PSMB7: variants seen among roughly 807,000 people sequenced by gnomAD.
The protein encoded by PSMB7 is proteasome subunit beta type-7.
Under a neutral mutation model 28.1 loss-of-function variants are expected in PSMB7, and 5 were observed. The ratio of observed to expected loss-of-function variants is 0.18; its 90% CI spans 0.09 to 0.37. The LOEUF (loss-of-function observed/expected upper bound fraction) is 0.37. Among genes scored for constraint, PSMB7 ranks in the 10% least tolerant of loss-of-function variants. PSMB7 has a pLI of 1.00. For synonymous variants in PSMB7, 122 were observed against 123.7 expected (o/e 0.99, Z 0.09); for missense variants, 275 against 346.2 (o/e 0.79, Z 1.63).
chr9:124,406,472 A>G (rs1022223670), intron 4 of PSMB7, among the ~76,000 whole-genome samples: 15 of 149,206 alleles, frequency 1.0e-4, no homozygotes, highest in Non-Finnish European at 1.8e-4. Context: ...ACTGCACTCC[A>G]GCCAGGACAG....
intron 5 of PSMB7, among the ~76,000 whole-genome samples, chr9:124,399,716 G>A (rs1216808767): frequency 1.3e-5 from 2 of 152,224 alleles, no homozygotes; most frequent in East Asian, 3.8e-4. Flanking sequence ...AATGACGACA[G>A]AAACCCAGGA....
At chr9:124,369,685 G>C (rs899142005) in intron 6 of PSMB7, among the ~76,000 whole-genome samples, 1 of 152,092 alleles carries the variant, frequency 6.6e-6, no homozygotes, top group Admixed American at 6.5e-5. Context: ...AGGACTGCAC[G>C]ACTGAGAGGC....
intron 4 of PSMB7, among the ~76,000 whole-genome samples, chr9:124,411,921 A>G (rs991564717): frequency 6.6e-6 from 1 of 151,930 alleles, no homozygotes; most frequent in Non-Finnish European, 1.5e-5. Flanking sequence ...CTGACAGCCA[A>G]TTATAAATAT....
intron 4 of PSMB7, among the ~76,000 whole-genome samples, chr9:124,409,734 C>T (rs889463761): frequency 6.6e-6 from 1 of 152,178 alleles, no homozygotes; most frequent in African/African-American, 2.4e-5. Flanking sequence ...TAGACAGAAA[C>T]TATTATCCTC....
intron 4 of PSMB7, among the ~76,000 whole-genome samples, chr9:124,409,045 G>A (rs536815445): frequency 6.6e-6 from 1 of 152,300 alleles, no homozygotes; most frequent in African/African-American, 2.4e-5. Context: ...TGAAGGGTGT[G>A]TAACAATCTC....
chr9:124,413,858 C>T lies in PSMB7; in HGVS notation c.254+50G>A, dbSNP rs763248390. 4 of 1,324,950 alleles carry T rather than the reference C, an allele frequency of 3.0e-6. No homozygotes were observed. The African/African-American group carries it at 4.4e-5, about 14-fold the overall frequency. 82.1% of individuals were successfully genotyped at this position (1,324,950 alleles called of 1,614,324 possible). On this transcript the variant is annotated intron_variant, in intron 3 of 7. Transcript: ENST00000259457. ...GGAGCACAGGAAGGTCAATTTTTAG[C>T]CCTGACATGTTTGAAAATATAAGAG...
intron 5 of PSMB7, chr9:124,396,698 T>A: frequency 2.3e-6 from 1 of 436,882 alleles, no homozygotes; most frequent in South Asian, 1.7e-5. Context: ...GAAATTTTAT[T>A]CATGTTAATT....
At chr9:124,414,964 G>C (rs764982027) in intron 1 of PSMB7, 29 bp from the exon 2 acceptor site, 83 of 1,492,174 alleles carry the variant, frequency 5.6e-5, no homozygotes, top group Non-Finnish European at 7.7e-5. Context: ...ATCAAGTGTT[G>C]AAGGGCAGGA....
At chr9:124,375,769 G>C (rs1830605035) in intron 6 of PSMB7, among the ~76,000 whole-genome samples, 1 of 152,170 alleles carries the variant, frequency 6.6e-6, no homozygotes, top group Non-Finnish European at 1.5e-5. Context: ...GATGCCAACA[G>C]GGTTCAAGTT....
At chr9:124,406,657 TTAAAA>T (rs1417728689) in intron 4 of PSMB7, among the ~76,000 whole-genome samples, 4 of 150,638 alleles carry the variant, frequency 2.7e-5, no homozygotes, top group Non-Finnish European at 5.9e-5. Context: ...AAAGTGAATA[TTAAAA>T]TAACTCCATG....
At chr9:124,384,682 T>C (rs771013755) in intron 5 of PSMB7, 26 bp from the exon 6 acceptor site, 7 of 1,608,714 alleles carry the variant, frequency 4.4e-6, no homozygotes, top group East Asian at 4.5e-5. Flanking sequence ...GCACTTTTAG[T>C]GTATTTTATG....
At chr9:124,398,180 A>C (rs1005995322) in intron 5 of PSMB7, among the ~76,000 whole-genome samples, 5 of 152,222 alleles carry the variant, frequency 3.3e-5, no homozygotes, top group Middle Eastern at 3.4e-3. Flanking sequence ...CTCAAAAAAA[A>C]AAAAACCACC....
chr9:124,362,134 T>G (rs1442171624), intron 6 of PSMB7, among the ~76,000 whole-genome samples: 1 of 152,248 alleles, frequency 6.6e-6, no homozygotes, highest in Non-Finnish European at 1.5e-5. Flanking sequence ...TATACATAGC[T>G]TTGGAATGTG....
chr9:124,383,262 G>C (rs1830686255), intron 6 of PSMB7, among the ~76,000 whole-genome samples: 1 of 152,102 alleles, frequency 6.6e-6, no homozygotes, highest in Non-Finnish European at 1.5e-5. Flanking sequence ...CTCATTTATT[G>C]TCTATACTTG....
chr9:124,410,983 T>TC, intron 4 of PSMB7, among the ~76,000 whole-genome samples: 1 of 152,120 alleles, frequency 6.6e-6, no homozygotes, highest in South Asian at 2.1e-4. Context: ...TTTTTTTTTT[T>TC]CTTTTTTTTT....
In PSMB7 at chr9:124,353,683, C is replaced by T. The variant is rs763509472; in HGVS notation, c.749G>A (p.Gly250Glu). The T allele has an allele frequency of 6.2e-7, 1 of 1,613,878 alleles. No homozygotes were observed. The highest frequency in any genetic ancestry group is 8.5e-7 in the Non-Finnish European group (1 of 1,179,786). ...TRLGRYRCEK[G>E]TTAVLTEKIT... ...TTTCTCAGTGAGGACTGCAGTAGTCCCTTTCTCACACCTGTACCGGCCAAG... is the reference window on the plus strand; with the variant it reads ...TTTCTCAGTGAGGACTGCAGTAGTCTCTTTCTCACACCTGTACCGGCCAAG... Residue 250 changes from glycine (G) to glutamate (E), a missense_variant, in exon 8 of 8, where the codon GGG (glycine) becomes GAG (glutamate). Physicochemically the swap from Gly to Glu is moderately conservative, Grantham distance 98 (BLOSUM62 -2). Around this residue, in one of 2 missense-constraint regions of PSMB7, gnomAD observed 213 missense variants for 302.4 expected, o/e 0.70. Transcript: ENST00000259457.
intron 6 of PSMB7, among the ~76,000 whole-genome samples, chr9:124,360,425 A>G (rs1323356486): frequency 6.6e-6 from 1 of 152,244 alleles, no homozygotes; most frequent in African/African-American, 2.4e-5. Flanking sequence ...AGGGGCCTTG[A>G]TAAGGGCTCT....
At chr9:124,359,581 C>T (rs1231897421) in intron 6 of PSMB7, among the ~76,000 whole-genome samples, 2 of 152,204 alleles carry the variant, frequency 1.3e-5, no homozygotes, top group African/African-American at 2.4e-5. Flanking sequence ...GCCACAAGGC[C>T]GCAGCACCAC....
chr9:124,414,611 TAAAAAAA>T (rs11418169), intron 2 of PSMB7, among the ~76,000 whole-genome samples: 2 of 141,116 alleles, frequency 1.4e-5, no homozygotes, highest in African/African-American at 2.6e-5. Flanking sequence ...CTGACCTGTT[TAAAAAAA>T]AAAAAAAGAA....
Sources: allele counts gnomAD v4.1 joint callset (sites outside exome capture counted in the v4.1 genomes callset), GRCh38; gene constraint gnomAD v4.1.1; regional missense constraint gnomAD v4.1.1; transcripts MANE v1.5; gene names NCBI Gene and HGNC (gene_info 2026-07-23, HGNC 2026-07-21).